The following AFF4 variants were observed in gnomAD, a reference collection of about 807,000 sequenced individuals.
The protein encoded by AFF4 is AF4/FMR2 family member 4.
A neutral mutation model predicts 124.8 loss-of-function variants in AFF4; 13 were observed. That is an observed-to-expected ratio of 0.10 (90% CI 0.07 to 0.17). AFF4 has a LOEUF of 0.17. Ranked by LOEUF, AFF4 falls within the 10% of genes least tolerant of loss-of-function variation. The pLI, the probability that AFF4 is intolerant of heterozygous loss-of-function variation, is 1.00. For missense variants in AFF4, 1,092 were observed against 1,403.8 expected, an observed-to-expected ratio of 0.78 and a Z score of 3.55; for synonymous variants, 477 against 496.1, an observed-to-expected ratio of 0.96 and a Z score of 0.51.
At chr5:132,939,000 A>C (rs1581323257) in intron 1 of AFF4, among the ~76,000 whole-genome samples, 1 of 143,170 alleles carries the variant, frequency 7.0e-6, no homozygotes, top group African/African-American at 2.6e-5. Context: ...AAAAAAAGGG[A>C]CCCGAGGTGG....
At chr5:132,922,097 A>AC (rs1761061376) in intron 5 of AFF4, among the ~76,000 whole-genome samples, 1 of 151,676 alleles carries the variant, frequency 6.6e-6, no homozygotes, top group Admixed American at 6.6e-5. Context: ...ATACCTAACC[A>AC]CCCCACTAAT....
rs1189725587 is a variant in AFF4 at position 132,880,768 on chromosome 5, T to C, written c.*291A>G. On this transcript the variant is annotated 3_prime_UTR_variant, in exon 21 of 21. Coordinates refer to ENST00000265343, the MANE Select transcript of AFF4 (RefSeq NM_014423.4). ...AAAATTAAAATAAATAAAATTTCAA[T>C]TCATTAGTTATGAATTGCAACTGGA... The C allele has an allele frequency of 9.9e-6, 3 of 301,642 alleles. No individual in the cohort carries two copies. The highest frequency in any genetic ancestry group is 1.8e-5 in the Non-Finnish European group (3 of 165,750). 18.7% of individuals were successfully genotyped at this position (301,642 alleles called of 1,614,324 possible). A position where few individuals can be genotyped will look rare whatever the true frequency, so the allele number is the denominator to read the frequency against.
At chr5:132,891,469 T>C (rs1760255048) in intron 13 of AFF4, among the ~76,000 whole-genome samples, 1 of 152,216 alleles carries the variant, frequency 6.6e-6, no homozygotes, top group African/African-American at 2.4e-5. Flanking sequence ...GTTGAGTGAC[T>C]ATTAAAGTAC....
chr5:132,959,150 A>G (rs1269770428), intron 1 of AFF4, among the ~76,000 whole-genome samples: 1 of 147,204 alleles, frequency 6.8e-6, no homozygotes, highest in Non-Finnish European at 1.5e-5. Flanking sequence ...TTTTTGAGAT[A>G]GAGTCTTGCT....
Position 132,896,407 on chromosome 5 carries a change from C to A in AFF4, c.2223G>T (p.Lys741Asn), listed in dbSNP as rs772443519. 3.1e-6 allele frequency: 5 copies of A among 1,613,800 alleles called. No homozygotes were observed. The South Asian group carries it at 5.5e-5, about 18-fold the overall frequency. ...TCGTGTGCTTTTCTGGCACATTTTT[C>A]TTTTCCCCCTTGGGCGGCTCTGTTT... is the stretch of plus-strand genomic sequence containing the variant. ...YKETEPPKGE[K>N]KNVPEKHTRE... The change falls in exon 11 of 21, where the codon AAG (lysine) becomes AAT (asparagine). Residue 741 changes from lysine to asparagine, a missense_variant. Physicochemically the swap from Lys to Asn is moderately conservative, Grantham distance 94. This residue lies in a region of AFF4 where 293 missense variants were observed against 280.2 expected (regional missense o/e 1.05). Transcript: ENST00000265343.
At chr5:132,919,948 AGCC>A (rs1313433625) in intron 5 of AFF4, among the ~76,000 whole-genome samples, 1 of 152,156 alleles carries the variant, frequency 6.6e-6, no homozygotes, top group East Asian at 1.9e-4. Flanking sequence ...GTTCAAGACT[AGCC>A]AGGGCAACAC....
chr5:132,880,671 A>G lies in AFF4; in HGVS notation c.*388T>C, dbSNP rs1458006123. On this transcript the variant is annotated 3_prime_UTR_variant, in exon 21 of 21. Coordinates refer to ENST00000265343, the MANE Select transcript of AFF4 (RefSeq NM_014423.4). ...AAAATGTCTACATTAAATTTATGCT[A>G]AATATTCAACAGAGTAAATTTATAG... is the stretch of plus-strand genomic sequence containing the variant. 3.3e-5 allele frequency: 10 copies of G among 302,686 alleles called. No individual in the cohort carries two copies. The highest frequency in any genetic ancestry group is 5.4e-5 in the Non-Finnish European group (9 of 166,228). The allele number at this position is 302,686 out of a possible 1,614,324, so 18.8% of individuals were successfully genotyped here.
At chr5:132,959,757 CTT>C (rs1163731664) in intron 1 of AFF4, among the ~76,000 whole-genome samples, 14 of 71,500 alleles carry the variant, frequency 2.0e-4, no homozygotes, top group South Asian at 1.1e-3. Context: ...GAGTGCTTTT[CTT>C]TTTTTTTTTT....
At position 132,879,467 on chromosome 5, in the gene AFF4, G is replaced by A; in HGVS notation, c.*1592C>T. The A allele has an allele frequency of 4.9e-6, 1 of 202,974 alleles. No homozygotes were observed. Among genetic ancestry groups the A allele is most frequent in the Non-Finnish European group, 1.0e-5 (1 of 98,564 alleles). 12.6% of individuals were successfully genotyped at this position (202,974 alleles called of 1,614,324 possible). On this transcript the variant is annotated 3_prime_UTR_variant, in exon 21 of 21. Coordinates refer to ENST00000265343, the MANE Select transcript of AFF4 (RefSeq NM_014423.4). ...TGGTTAGACTAAGTCATGTACCAAA[G>A]CAATAGCTTTTCTGAAAGAACTAAT...
In AFF4 at chr5:132,943,008, G is replaced by A. The variant is rs148996851; in HGVS notation, c.-4-5815C>T. 2.9e-3 allele frequency: 628 copies of A among 215,066 alleles called. 3 individuals carry two copies. Among genetic ancestry groups the A allele is most frequent in the Non-Finnish European group, 4.6e-3 (466 of 100,996 alleles). 13.3% of individuals were successfully genotyped at this position (215,066 alleles called of 1,614,324 possible). A position where few individuals can be genotyped will look rare whatever the true frequency, so the allele number is the denominator to read the frequency against. On this transcript the variant is annotated intron_variant, in intron 1 of 20. Coordinates refer to ENST00000265343, the MANE Select transcript of AFF4 (RefSeq NM_014423.4). ...CTGAAAGCTGAGTGTGAGGGTGGTG[G>A]CACTGATGACAGTTCCCTGCGGAAA... is the stretch of plus-strand genomic sequence containing the variant.
At chr5:132,940,948 A>T (rs1188395753) in intron 1 of AFF4, among the ~76,000 whole-genome samples, 6 of 151,778 alleles carry the variant, frequency 4.0e-5, no homozygotes, top group Non-Finnish European at 8.8e-5. Context: ...AAAAGCTTGA[A>T]CTCAGGAGGC....
intron 9 of AFF4, among the ~76,000 whole-genome samples, 154 bp from the exon 10 acceptor site, chr5:132,898,546 C>A (rs142891204): frequency 6.6e-6 from 1 of 151,764 alleles, no homozygotes; most frequent in Non-Finnish European, 1.5e-5. Context: ...TGCAGTGGCA[C>A]GATCTCAGCT....
chr5:132,933,201 C>A (rs1444303437), intron 3 of AFF4, among the ~76,000 whole-genome samples: 4 of 152,078 alleles, frequency 2.6e-5, no homozygotes, highest in Non-Finnish European at 5.9e-5. Flanking sequence ...AGTTCAAGAC[C>A]AGCCTGACCA....
intron 5 of AFF4, among the ~76,000 whole-genome samples, chr5:132,916,066 G>A (rs1230946703): frequency 6.6e-6 from 1 of 151,634 alleles, no homozygotes; most frequent in Admixed American, 6.6e-5. Flanking sequence ...GCAACACTGG[G>A]AAACCCTGTC....
rs58373249 is a variant in AFF4, at chr5:132,925,839, T to C, written c.1050+1282A>G. On this transcript the variant is annotated intron_variant, in intron 5 of 20. Coordinates refer to ENST00000265343, the MANE Select transcript of AFF4 (RefSeq NM_014423.4). Reference sequence around the variant, plus strand: ...CTGTAATAGAACTATGGAAGGAATTTGTGAGTGTATGTATTAAATATATAC... The same window carrying C: ...CTGTAATAGAACTATGGAAGGAATTCGTGAGTGTATGTATTAAATATATAC... Among the ~76,000 whole-genome samples the C allele has an allele frequency of 2.0e-3, 298 of 152,354 alleles. 1 individual carries two copies. The highest frequency in any genetic ancestry group is 6.8e-3 in the African/African-American group (283 of 41,570).
Position 132,963,605 on chromosome 5 carries a change from T to TGGACTCCTGCAGCC in AFF4, c.-365_-352dup. On this transcript the variant is annotated 5_prime_UTR_variant, in exon 1 of 21. Transcript: ENST00000265343. ...GTCCGCTGGCGGCGGCGACGGCAGC[T>TGGACTCCTGCAGCC]GGACTCCTGCAGCCAGGGCTGTGAC... 1 of 397,464 alleles carries TGGACTCCTGCAGCC rather than the reference T, an allele frequency of 2.5e-6. No homozygotes were observed. Among genetic ancestry groups the TGGACTCCTGCAGCC allele is most frequent in the Non-Finnish European group, 4.4e-6 (1 of 225,396 alleles). The allele number at this position is 397,464 out of a possible 1,614,324, so 24.6% of individuals were successfully genotyped here.
At chr5:132,887,389 G>A in intron 17 of AFF4, 132 bp downstream of exon 17, 1 of 777,564 alleles carries the variant, frequency 1.3e-6, no homozygotes, top group South Asian at 1.8e-5. Context: ...CTTCCTGCTT[G>A]ACCCATCAGG....
At chr5:132,949,698 ACACGCGCG>A (rs1253477268) in intron 1 of AFF4, among the ~76,000 whole-genome samples, 2 of 142,124 alleles carry the variant, frequency 1.4e-5, no homozygotes, top group East Asian at 2.0e-4. Flanking sequence ...ACACACACAC[ACACGCGCG>A]CGCGCGCGCG....
rs1759852701 is a variant in AFF4 at position 132,876,925 on chromosome 5, T to G, written c.*4134A>C. On this transcript the variant is annotated 3_prime_UTR_variant, in exon 21 of 21. Transcript: ENST00000265343. ...AATTTGGCCTCTTCTCACTACATAT[T>G]CCAAGGTATTCAATAATTATCTCTT... 5.0e-6 allele frequency: 1 copy of G among 198,458 alleles called. No individual in the cohort carries two copies. The highest frequency in any genetic ancestry group is 2.3e-5 in the African/African-American group (1 of 43,404). 12.3% of individuals were successfully genotyped at this position (198,458 alleles called of 1,614,324 possible).
Sources: allele counts gnomAD v4.1 joint callset (sites outside exome capture counted in the v4.1 genomes callset), GRCh38; gene constraint gnomAD v4.1.1; regional missense constraint gnomAD v4.1.1; transcripts MANE v1.5; gene names NCBI Gene and HGNC (gene_info 2026-07-23, HGNC 2026-07-21).